The following TIAM1 variants were observed in gnomAD, a reference collection of about 807,000 sequenced individuals.
TIAM1 encodes the protein rho guanine nucleotide exchange factor TIAM1.
TIAM1 carries 65 observed loss-of-function variants against 163.5 expected under a neutral mutation model. That is an observed-to-expected ratio of 0.40 (90% CI 0.33 to 0.49). The LOEUF (loss-of-function observed/expected upper bound fraction) is 0.49, where lower values mean the gene tolerates loss of function less well. TIAM1 is among the 20% of genes least tolerant of loss of function. TIAM1 has a pLI of 0.77. For missense variants in TIAM1, 1,789 were observed against 2,044.7 expected, an observed-to-expected ratio of 0.87 and a Z score of 2.41; for synonymous variants, 833 against 810.1, an observed-to-expected ratio of 1.03 and a Z score of -0.48.
intron 12 of TIAM1, among the ~76,000 whole-genome samples, chr21:31,196,478 A>ATTTTTTTTTTTTTTT (rs59358430): frequency 7.5e-6 from 1 of 133,088 alleles, no homozygotes; most frequent in African/African-American, 3.1e-5. Context: ...CATCTGGCTA[A>ATTTTTTTTTTTTTTT]TTTTTTTTTT....
intron 19 of TIAM1, among the ~76,000 whole-genome samples, chr21:31,147,787 A>AAT (rs373598678): frequency 0.062 from 8,659 of 139,738 alleles, 287 homozygotes; most frequent in South Asian, 0.083. Context: ...ATTATATTAA[A>AAT]ATATATATAT....
chr21:31,309,360 A>T (rs2074837563), intron 2 of TIAM1, among the ~76,000 whole-genome samples: 1 of 152,214 alleles, frequency 6.6e-6, no homozygotes, highest in African/African-American at 2.4e-5. Flanking sequence ...CAGGAGGCTG[A>T]GGCAGGAGAA....
Position 31,266,995 on chromosome 21 carries a change from C to CG in TIAM1, c.-11-13dup, listed in dbSNP as rs1389359213. ...CATGGTTTTATGGTCTGCAGCAAAG[C>CG]GGGGGGAAAGGGGAGAATTGAGTCA... On this transcript the variant is annotated splice_polypyrimidine_tract_variant and intron_variant, in intron 3 of 27. Coordinates refer to ENST00000541036, the MANE Select transcript of TIAM1 (RefSeq NM_001353694.2). 1.1e-5 allele frequency: 18 copies of CG among 1,577,024 alleles called. 1 individual carries two copies. The highest frequency in any genetic ancestry group is 2.3e-5 in the South Asian group (2 of 85,304).
intron 3 of TIAM1, among the ~76,000 whole-genome samples, chr21:31,269,546 C>G (rs530094278): frequency 5.9e-5 from 9 of 152,266 alleles, no homozygotes; most frequent in African/African-American, 2.2e-4. Context: ...GCGGAGGACT[C>G]TGAAATAACA....
chr21:31,509,347 C>T (rs1462252758), intron 1 of TIAM1, among the ~76,000 whole-genome samples: 1 of 152,158 alleles, frequency 6.6e-6, no homozygotes, highest in African/African-American at 2.4e-5. Context: ...AGACATCCCC[C>T]GGCAGAGGTG....
chr21:31,282,447 C>T (rs1020220928), intron 2 of TIAM1, among the ~76,000 whole-genome samples: 1 of 152,226 alleles, frequency 6.6e-6, no homozygotes, highest in Non-Finnish European at 1.5e-5. Flanking sequence ...GCACTGCCTG[C>T]CCTCCACGGA....
intron 3 of TIAM1, 95 bp from the exon 4 acceptor site, chr21:31,267,078 A>G: frequency 6.7e-7 from 1 of 1,484,286 alleles, no homozygotes; most frequent in South Asian, 1.4e-5. Flanking sequence ...GGAGGGCAGA[A>G]CACCTTGGCT....
At position 31,437,502 on chromosome 21, in the gene TIAM1, C is replaced by CAAAAAAAAAAAAAAAAA. The variant is rs778245444; in HGVS notation, c.-369+26480_-369+26481insTTTTTTTTTTTTTTTTT. On this transcript the variant is annotated intron_variant, in intron 2 of 28. Transcript: ENST00000286827. ...TTGGTGACAGAGAGAGACCCTGTCTCAAAAAAAAAAAAAAGCAACTACATA... is the reference window on the plus strand; with the variant it reads ...TTGGTGACAGAGAGAGACCCTGTCTCAAAAAAAAAAAAAAAAAAAAAAAAAAAAAAAGCAACTACATA... 1.5e-3 allele frequency among the ~76,000 whole-genome samples: 156 copies of CAAAAAAAAAAAAAAAAA among 106,460 alleles called. 3 individuals carry two copies. Among genetic ancestry groups the CAAAAAAAAAAAAAAAAA allele is most frequent in the African/African-American group, 4.7e-3 (119 of 25,414 alleles). The allele number at this position is 106,460 out of a possible 152,430, so 69.8% of individuals were successfully genotyped here.
intron 1 of TIAM1, among the ~76,000 whole-genome samples, chr21:31,494,121 C>G (rs1421622320): frequency 6.6e-6 from 1 of 152,248 alleles, no homozygotes; most frequent in Non-Finnish European, 1.5e-5. Flanking sequence ...GCCATGTTAG[C>G]CAGGCTGGTC....
rs79751519 is a variant in TIAM1 at position 31,150,314 on chromosome 21, A to G, written c.3366+2322T>C. 7.9e-5 allele frequency among the ~76,000 whole-genome samples: 12 copies of G among 152,288 alleles called. No homozygotes were observed. The East Asian group carries it at 2.3e-3, about 29-fold the overall frequency. ...ACAAAAAAACATATATTGAGGTAGA[A>G]TATCGAGGTGAGGCAGTCTTTACCC... On this transcript the variant is annotated intron_variant, in intron 19 of 27. Transcript: ENST00000541036.
At chr21:31,514,900 C>T (rs1159036680) in intron 1 of TIAM1, among the ~76,000 whole-genome samples, 2 of 152,142 alleles carry the variant, frequency 1.3e-5, no homozygotes, top group African/African-American at 4.8e-5. Context: ...AGCGGAAAGC[C>T]GATGTTAGGA....
chr21:31,425,266 A>C (rs1056507696), intron 2 of TIAM1, among the ~76,000 whole-genome samples: 2 of 152,102 alleles, frequency 1.3e-5, no homozygotes, highest in African/African-American at 4.8e-5. Flanking sequence ...CACAACGGAG[A>C]AATCAGAGAG....
At chr21:31,127,768 T>C (rs1439058550) in intron 25 of TIAM1, among the ~76,000 whole-genome samples, 1 of 152,164 alleles carries the variant, frequency 6.6e-6, no homozygotes, top group Non-Finnish European at 1.5e-5. Flanking sequence ...TGCATTTCAA[T>C]TAAATGATTA....
intron 1 of TIAM1, among the ~76,000 whole-genome samples, chr21:31,537,936 G>A (rs1277218528): frequency 6.6e-6 from 1 of 152,180 alleles, no homozygotes; most frequent in Non-Finnish European, 1.5e-5. Context: ...TGTTTTGGAA[G>A]TGAAAATTAC....
chr21:31,315,033 C>G (rs1425070497), intron 2 of TIAM1, among the ~76,000 whole-genome samples: 1 of 152,120 alleles, frequency 6.6e-6, no homozygotes, highest in African/African-American at 2.4e-5. Flanking sequence ...GTGAGAGTCG[C>G]CAAACCTCGC....
chr21:31,164,062 G>A, intron 16 of TIAM1, among the ~76,000 whole-genome samples: 1 of 151,656 alleles, frequency 6.6e-6, no homozygotes, highest in Non-Finnish European at 1.5e-5. Context: ...CTGACCCATG[G>A]AACTCTTTAT....
intron 2 of TIAM1, among the ~76,000 whole-genome samples, chr21:31,283,833 C>T (rs1051853636): frequency 1.3e-5 from 2 of 152,116 alleles, no homozygotes; most frequent in Admixed American, 6.5e-5. Flanking sequence ...TGAGTCACCG[C>T]GCCCATCCCC....
chr21:31,554,977 T>C (rs533825273), intron 1 of TIAM1, among the ~76,000 whole-genome samples: 1 of 152,094 alleles, frequency 6.6e-6, no homozygotes, highest in African/African-American at 2.4e-5. Flanking sequence ...TGCTGGAGGG[T>C]GTGGAGGACG....
intron 25 of TIAM1, among the ~76,000 whole-genome samples, chr21:31,129,122 T>A (rs1225105873): frequency 6.6e-6 from 1 of 152,196 alleles, no homozygotes; most frequent in African/African-American, 2.4e-5. Flanking sequence ...AGGGAACAGA[T>A]GTGGCTAAAG....
Sources: gnomAD v4.1 joint callset for allele counts (sites outside exome capture counted in the v4.1 genomes callset) on GRCh38, gnomAD v4.1.1 for gene constraint, MANE v1.5 for transcripts, NCBI Gene and HGNC (gene_info 2026-07-23, HGNC 2026-07-21) for gene names.